CACNA1A: variants seen among roughly 807,000 people sequenced by gnomAD.
The protein encoded by CACNA1A is voltage-dependent P/Q-type calcium channel subunit alpha-1A.
A neutral mutation model predicts 262.4 loss-of-function variants in CACNA1A; 57 were observed. The ratio of observed to expected loss-of-function variants is 0.22; its 90% CI spans 0.18 to 0.27. The LOEUF is 0.27. Ranked by LOEUF, CACNA1A falls within the 10% of genes least tolerant of loss-of-function variation. CACNA1A has a pLI of 1.00. For synonymous variants in CACNA1A, 1,431 were observed against 1,419.3 expected, an observed-to-expected ratio of 1.01 and a Z score of -0.18; for missense variants, 2,526 against 3,562.8, an observed-to-expected ratio of 0.71 and a Z score of 7.41.
intron 7 of CACNA1A, among the ~76,000 whole-genome samples, chr19:13,335,573 T>A (rs931581089): frequency 6.6e-6 from 1 of 152,004 alleles, no homozygotes; most frequent in Admixed American, 6.6e-5. Context: ...TATTGGTTTT[T>A]AAAAAAAATG....
chr19:13,275,783 C>G, intron 24 of CACNA1A, 67 bp downstream of exon 24: 1 of 1,075,976 alleles, frequency 9.3e-7, no homozygotes, highest in South Asian at 1.3e-5. Flanking sequence ...GTCCTGTAAT[C>G]CGATGTGTGG....
At chr19:13,398,782 C>G (rs1422183651) in intron 3 of CACNA1A, among the ~76,000 whole-genome samples, 1 of 152,214 alleles carries the variant, frequency 6.6e-6, no homozygotes, top group Non-Finnish European at 1.5e-5. Flanking sequence ...ATGAGAAGTG[C>G]TGAGCACACC....
chr19:13,489,333 A>G lies in CACNA1A; in HGVS notation c.293+16599T>C, dbSNP rs558313208. ...CCTGTAATTAATTTCTAAAATTGCA[A>G]TAGCCATGTGTGGCTACTGCCTACC... On this transcript the variant is annotated intron_variant, in intron 1 of 46. Transcript: ENST00000360228. Among the ~76,000 whole-genome samples the G allele has an allele frequency of 3.3e-5, 5 of 152,136 alleles. No individual in the cohort carries two copies. The East Asian group carries it at 9.7e-4, about 29-fold the overall frequency.
chr19:13,334,174 G>A (rs575171442), intron 8 of CACNA1A: 10 of 540,768 alleles, frequency 1.8e-5, no homozygotes, highest in African/African-American at 1.1e-4. Context: ...TTCAAGTTAC[G>A]TGATGTCAGA....
intron 3 of CACNA1A, among the ~76,000 whole-genome samples, chr19:13,403,388 A>G (rs1297173229): frequency 1.3e-5 from 2 of 152,164 alleles, no homozygotes; most frequent in Admixed American, 6.5e-5. Context: ...AGATAAAGAA[A>G]GACAGGTTCA....
intron 45 of CACNA1A, 70 bp from the exon 46 acceptor site, chr19:13,209,079 G>A (rs2054700430): frequency 6.5e-7 from 1 of 1,530,078 alleles, no homozygotes; most frequent in South Asian, 1.2e-5. Flanking sequence ...TGCACACACA[G>A]GAGGCCACCT....
intron 3 of CACNA1A, among the ~76,000 whole-genome samples, chr19:13,411,855 G>A (rs75181263): frequency 0.033 from 5,019 of 151,986 alleles, 239 homozygotes; most frequent in South Asian, 0.12. Context: ...GGGATTACAG[G>A]GACACATCAC....
At chr19:13,492,982 C>T (rs907847744) in intron 1 of CACNA1A, among the ~76,000 whole-genome samples, 5 of 152,068 alleles carry the variant, frequency 3.3e-5, no homozygotes, top group African/African-American at 1.2e-4. Context: ...ATTCACCATG[C>T]CAGGAGACCA....
At chr19:13,331,456 T>G (rs2058467626) in intron 9 of CACNA1A, among the ~76,000 whole-genome samples, 1 of 152,046 alleles carries the variant, frequency 6.6e-6, no homozygotes, top group Non-Finnish European at 1.5e-5. Flanking sequence ...AGGCCGGTCT[T>G]GAACTCCTGG....
intron 30 of CACNA1A, among the ~76,000 whole-genome samples, chr19:13,248,367 C>T (rs912985530): frequency 4.0e-5 from 5 of 125,570 alleles, no homozygotes; most frequent in Non-Finnish European, 7.8e-5. Flanking sequence ...CTTGAGGCCA[C>T]GAGTTCAAGA....
At chr19:13,348,752 C>T (rs2058843235) in intron 6 of CACNA1A, among the ~76,000 whole-genome samples, 1 of 152,188 alleles carries the variant, frequency 6.6e-6, no homozygotes, top group Non-Finnish European at 1.5e-5. Flanking sequence ...AGGGGAATCA[C>T]TTGAACCTGG....
At chr19:13,396,862 G>C (rs142671292) in intron 3 of CACNA1A, among the ~76,000 whole-genome samples, 1 of 152,172 alleles carries the variant, frequency 6.6e-6, no homozygotes, top group Non-Finnish European at 1.5e-5. Context: ...AGCGCTGGCA[G>C]AAGATGAGGG....
chr19:13,465,909 G>T (rs980549939), intron 1 of CACNA1A, among the ~76,000 whole-genome samples: 4 of 152,144 alleles, frequency 2.6e-5, no homozygotes, highest in African/African-American at 9.7e-5. Flanking sequence ...TCCATGGATG[G>T]ACTTTTGGGA....
At chr19:13,362,266 C>T (rs903082637) in intron 5 of CACNA1A, 4 of 152,182 alleles carry the variant, frequency 2.6e-5, no homozygotes, top group Admixed American at 1.3e-4. Context: ...AGCGTGATCT[C>T]GGCTCACTGT....
chr19:13,452,793 G>A (rs1174812639), intron 3 of CACNA1A, 83 bp downstream of exon 3: 1 of 1,365,684 alleles, frequency 7.3e-7, no homozygotes, highest in Non-Finnish European at 1.0e-6. Flanking sequence ...CAGCCTTCCT[G>A]AGCCTGGCCC....
intron 15 of CACNA1A, among the ~76,000 whole-genome samples, chr19:13,306,189 A>G (rs1417347516): frequency 1.3e-5 from 2 of 152,038 alleles, no homozygotes; most frequent in Non-Finnish European, 2.9e-5. Flanking sequence ...GTGAAGTCAC[A>G]TTTTCTATAC....
At chr19:13,247,025 G>A (rs73509482) in intron 30 of CACNA1A, among the ~76,000 whole-genome samples, 11,929 of 152,268 alleles carry the variant, frequency 0.078, 495 homozygotes, top group South Asian at 0.14. Context: ...CCCCTCAACC[G>A]GGTACTGACA....
intron 38 of CACNA1A, among the ~76,000 whole-genome samples, chr19:13,217,230 AG>A (rs2055045979): frequency 1.6e-5 from 1 of 62,970 alleles, no homozygotes; most frequent in East Asian, 5.8e-4. Context: ...ACAGATGGAC[AG>A]GGAAGAGAGA....
At chr19:13,333,010 C>T in intron 8 of CACNA1A, 85 bp from the exon 9 acceptor site, 1 of 1,039,398 alleles carries the variant, frequency 9.6e-7, no homozygotes. Flanking sequence ...TGCCCGGCCA[C>T]CCCCATTCTC....
Sources: allele counts gnomAD v4.1 joint callset (sites outside exome capture counted in the v4.1 genomes callset), GRCh38; gene constraint gnomAD v4.1.1; transcripts MANE v1.5; gene names NCBI Gene and HGNC (gene_info 2026-07-23, HGNC 2026-07-21).